The following ATRNL1 variants were observed in gnomAD, a reference collection of about 807,000 sequenced individuals.
ATRNL1 encodes attractin-like protein 1.
A neutral mutation model predicts 182.7 loss-of-function variants in ATRNL1; 95 were observed. The observed-to-expected ratio is 0.52, with a 90% confidence interval of 0.44 to 0.62. The LOEUF is 0.62. Among genes scored for constraint, ATRNL1 ranks in the 20% least tolerant of loss-of-function variants. The probability of loss-of-function intolerance (pLI) is 0.00; values close to 1 mark genes in which losing one functional copy is unlikely to be tolerated. For missense variants in ATRNL1, 1,471 were observed against 1,679.5 expected (o/e 0.88, Z 2.17); for synonymous variants, 576 against 568.3 (o/e 1.01, Z -0.19).
In ATRNL1 at chr10:115,430,730, A is replaced by G. The variant is rs116561471; in HGVS notation, c.3322+4428A>G. The stretch of plus-strand genomic sequence containing the variant: ...GAGAATGTGGCATATAAAATCCCAA[A>G]TTTTGTTAAGGTATTTTTGCCCTTT... On this transcript the variant is annotated intron_variant, in intron 21 of 28. Transcript: ENST00000355044. Among the ~76,000 whole-genome samples the G allele has an allele frequency of 3.8e-3, 579 of 151,684 alleles. 2 individuals are homozygous for G. Among genetic ancestry groups the G allele is most frequent in the African/African-American group, 0.013 (551 of 41,010 alleles).
chr10:115,900,167 A>G (rs782406790), intron 28 of ATRNL1, among the ~76,000 whole-genome samples: 1 of 152,230 alleles, frequency 6.6e-6, no homozygotes, highest in Non-Finnish European at 1.5e-5. Flanking sequence ...AGAGTTTCCA[A>G]TAAATTGTGC....
intron 25 of ATRNL1, among the ~76,000 whole-genome samples, chr10:115,545,652 A>G (rs904135669): frequency 2.0e-5 from 3 of 152,212 alleles, no homozygotes; most frequent in Non-Finnish European, 4.4e-5. Context: ...TCTCAAACTG[A>G]ATCTTTATTA....
Position 115,372,987 on chromosome 10 carries a change from T to C in ATRNL1, c.3176-21672T>C, listed in dbSNP as rs537266668. On this transcript the variant is annotated intron_variant, in intron 19 of 28. Transcript: ENST00000355044. ...ATGGACATCCTGAGAAAATGAATTCTTTTAGTCCATGAATACAGGATATTG... is the reference window on the plus strand; with the variant it reads ...ATGGACATCCTGAGAAAATGAATTCCTTTAGTCCATGAATACAGGATATTG... 1.3e-5 allele frequency among the ~76,000 whole-genome samples: 2 copies of C among 152,288 alleles called. 1 individual carries two copies. The highest frequency in any genetic ancestry group is 3.9e-4 in the East Asian group (2 of 5,186).
intron 26 of ATRNL1, among the ~76,000 whole-genome samples, chr10:115,709,207 G>A (rs1234114660): frequency 2.0e-5 from 3 of 151,658 alleles, no homozygotes; most frequent in African/African-American, 7.3e-5. Context: ...TGACCTACTT[G>A]GCCTTAGAAT....
chr10:115,154,951 G>T (rs1264370643), intron 5 of ATRNL1, among the ~76,000 whole-genome samples: 1 of 152,108 alleles, frequency 6.6e-6, no homozygotes, highest in Non-Finnish European at 1.5e-5. Flanking sequence ...TCCTTTAAAT[G>T]TAATAATGTT....
intron 26 of ATRNL1, among the ~76,000 whole-genome samples, chr10:115,557,121 T>C (rs1853358308): frequency 6.6e-6 from 1 of 152,166 alleles, no homozygotes; most frequent in South Asian, 2.1e-4. Context: ...TAAAAGGATC[T>C]GATTTTAAGC....
chr10:115,674,073 C>A (rs1368563327), intron 26 of ATRNL1, among the ~76,000 whole-genome samples: 1 of 152,020 alleles, frequency 6.6e-6, no homozygotes, highest in East Asian at 1.9e-4. Context: ...TCTTTATGTG[C>A]AAAGGAGAAA....
In ATRNL1 at chr10:115,093,825, G is replaced by GGGC. The variant is rs782236609; in HGVS notation, c.87_89dup (p.Gly31dup). 1.7e-5 allele frequency: 26 copies of GGGC among 1,507,208 alleles called. No homozygotes were observed. The highest frequency in any genetic ancestry group is 2.0e-4 in the Middle Eastern group (1 of 4,996). The allele number at this position is 1,507,208 out of a possible 1,614,324, so 93.4% of individuals were successfully genotyped here. ...CGGGGGTGTGGAGGGCTCGGCCGGCGGGCGGCGGCGGCGGGGGCGCCTCCT... is the reference window on the plus strand; with the variant it reads ...CGGGGGTGTGGAGGGCTCGGCCGGCGGGCGGCGGCGGCGGCGGGGGCGCCTCCT... On this transcript the variant is annotated inframe_insertion, in exon 1 of 29. Transcript: ENST00000355044. The surrounding 1 kb of genome is among the most constrained non-coding windows in gnomAD (Gnocchi z 6.1).
At chr10:115,634,323 A>G (rs1325627586) in intron 26 of ATRNL1, among the ~76,000 whole-genome samples, 1 of 152,182 alleles carries the variant, frequency 6.6e-6, no homozygotes, top group Non-Finnish European at 1.5e-5. Flanking sequence ...CTATAATGGT[A>G]CTTGAATTCA....
At chr10:115,530,334 C>A (rs922689814) in intron 25 of ATRNL1, among the ~76,000 whole-genome samples, 1 of 152,068 alleles carries the variant, frequency 6.6e-6, no homozygotes. Flanking sequence ...ATTTTATAAT[C>A]TTACCAGCAA....
chr10:115,358,127 A>G (rs967164426), intron 19 of ATRNL1, among the ~76,000 whole-genome samples: 1 of 151,674 alleles, frequency 6.6e-6, no homozygotes, highest in Non-Finnish European at 1.5e-5. Context: ...ATTACCTGAC[A>G]TGATATAAGT....
intron 26 of ATRNL1, among the ~76,000 whole-genome samples, chr10:115,565,692 C>G (rs1854032684): frequency 6.6e-6 from 1 of 152,012 alleles, no homozygotes; most frequent in African/African-American, 2.4e-5. Context: ...CAAATCTATA[C>G]TTGGTAAGTA....
At chr10:115,248,753 G>A (rs1554904708) in intron 10 of ATRNL1, among the ~76,000 whole-genome samples, 1 of 152,074 alleles carries the variant, frequency 6.6e-6, no homozygotes, top group Admixed American at 6.6e-5. Context: ...ATTAAAAGAA[G>A]TTTTGAAGTA....
At chr10:115,666,745 A>AT (rs1861022654) in intron 26 of ATRNL1, among the ~76,000 whole-genome samples, 1 of 152,096 alleles carries the variant, frequency 6.6e-6, no homozygotes, top group Non-Finnish European at 1.5e-5. Context: ...AATACTTGGT[A>AT]TTTAACCTCT....
At chr10:115,206,213 A>G (rs374790918) in intron 8 of ATRNL1, among the ~76,000 whole-genome samples, 3 of 151,918 alleles carry the variant, frequency 2.0e-5, no homozygotes, top group African/African-American at 7.2e-5. Flanking sequence ...ATAATTTGTT[A>G]TTTTTCTGTA....
At chr10:115,219,749 A>C (rs1313444414) in intron 9 of ATRNL1, among the ~76,000 whole-genome samples, 8 of 152,036 alleles carry the variant, frequency 5.3e-5, no homozygotes, top group Non-Finnish European at 1.2e-4. Context: ...CTAAAAATAC[A>C]AAAGTTAGCC....
rs143064922 is a variant in ATRNL1, at chr10:115,113,130, G to A, written c.294-7055G>A. On this transcript the variant is annotated intron_variant, in intron 1 of 28. Transcript: ENST00000355044. Reference sequence around the variant, plus strand: ...AAGCAAAAGTGGACTGGTCAAGAGCGAAGGTCATGGCAGCAGTTTTTTGGG... The same window carrying A: ...AAGCAAAAGTGGACTGGTCAAGAGCAAAGGTCATGGCAGCAGTTTTTTGGG... Among the ~76,000 whole-genome samples the A allele has an allele frequency of 3.4e-3, 513 of 152,314 alleles. 5 individuals carry two copies. The highest frequency in any genetic ancestry group is 0.012 in the African/African-American group (494 of 41,568).
chr10:115,396,528 T>G (rs1554955628), intron 20 of ATRNL1, among the ~76,000 whole-genome samples: 1 of 152,002 alleles, frequency 6.6e-6, no homozygotes, highest in East Asian at 1.9e-4. Flanking sequence ...TCCCTGCAAT[T>G]ATGTATAATA....
intron 8 of ATRNL1, among the ~76,000 whole-genome samples, chr10:115,202,703 T>C (rs1359428419): frequency 6.9e-6 from 1 of 144,780 alleles, no homozygotes; most frequent in Non-Finnish European, 1.5e-5. Flanking sequence ...CTTTTTTGGT[T>C]GTGTCTCTGC....
Sources: allele counts gnomAD v4.1 joint callset (sites outside exome capture counted in the v4.1 genomes callset), GRCh38; gene constraint gnomAD v4.1.1; non-coding constraint Gnocchi (gnomAD v3.1); transcripts MANE v1.5; gene names NCBI Gene and HGNC (gene_info 2026-07-23, HGNC 2026-07-21).